Variants in SUPT3H observed in about 807,000 individuals in gnomAD.
SUPT3H encodes SPT3 homolog, SAGA and STAGA complex component, also known as transcription initiation protein SPT3 homolog.
A neutral mutation model predicts 44.3 loss-of-function variants in SUPT3H; 44 were observed. That is an observed-to-expected ratio of 0.99 (90% CI 0.78 to 1.28). SUPT3H has a LOEUF of 1.28. SUPT3H is among the 50% of genes most tolerant of loss of function. The probability of loss-of-function intolerance (pLI) is 0.00; values close to 1 mark genes in which losing one functional copy is unlikely to be tolerated. For missense variants in SUPT3H, 380 were observed against 387.1 expected, an observed-to-expected ratio of 0.98 and a Z score of 0.15; for synonymous variants, 124 against 125.6, an observed-to-expected ratio of 0.99 and a Z score of 0.09.
chr6:44,906,782 T>A (rs1481076863), intron 10 of SUPT3H, among the ~76,000 whole-genome samples: 3 of 152,026 alleles, frequency 2.0e-5, no homozygotes, highest in African/African-American at 7.2e-5. Flanking sequence ...CAAAAAAAAT[T>A]CACAAGGGTT....
intron 10 of SUPT3H, among the ~76,000 whole-genome samples, chr6:44,856,641 A>G (rs1773785823): frequency 1.3e-5 from 2 of 152,194 alleles, no homozygotes; most frequent in African/African-American, 4.8e-5. Context: ...ATACTCACAT[A>G]GCAATAGCCA....
At chr6:45,136,967 A>G (rs1053454044) in intron 2 of SUPT3H, among the ~76,000 whole-genome samples, 8 of 152,150 alleles carry the variant, frequency 5.3e-5, no homozygotes, top group African/African-American at 1.9e-4. Context: ...AAATTCAAAG[A>G]GACTCATGCC....
At chr6:45,009,256 A>G (rs2153509267) in intron 5 of SUPT3H, among the ~76,000 whole-genome samples, 1 of 152,292 alleles carries the variant, frequency 6.6e-6, no homozygotes, top group Middle Eastern at 3.4e-3. Flanking sequence ...TCTTTGAAAC[A>G]TAAAACTTTT....
At position 45,287,885 on chromosome 6, in the gene SUPT3H, A is replaced by G. The variant is rs1779581222; in HGVS notation, c.101+77316T>C. Reference sequence around the variant, plus strand: ...TAAAAATTACTTAAAGCAACTTACCACACTTAGTTCTTCGTGTTATTTTGT... The same window carrying G: ...TAAAAATTACTTAAAGCAACTTACCGCACTTAGTTCTTCGTGTTATTTTGT... On this transcript the variant is annotated intron_variant, in intron 2 of 10. Coordinates refer to ENST00000371459, the MANE Select transcript of SUPT3H (RefSeq NM_003599.4). 2.6e-5 allele frequency among the ~76,000 whole-genome samples: 4 copies of G among 152,244 alleles called. No homozygotes were observed. In the South Asian group the frequency reaches 8.3e-4, roughly 32 times the overall value.
At chr6:44,864,557 C>T (rs1332954907) in intron 10 of SUPT3H, among the ~76,000 whole-genome samples, 1 of 152,238 alleles carries the variant, frequency 6.6e-6, no homozygotes, top group African/African-American at 2.4e-5. Context: ...GGTTCCCAAA[C>T]CCCAATTCTT....
intron 10 of SUPT3H, among the ~76,000 whole-genome samples, chr6:44,891,606 G>C (rs1763328776): frequency 6.6e-6 from 1 of 152,078 alleles, no homozygotes; most frequent in South Asian, 2.1e-4. Flanking sequence ...GGGGAGGAAA[G>C]AATGGGTTGT....
chr6:45,170,905 G>A (rs1166775375), intron 2 of SUPT3H, among the ~76,000 whole-genome samples: 3 of 152,096 alleles, frequency 2.0e-5, no homozygotes, highest in East Asian at 3.9e-4. Context: ...CAATATTCAT[G>A]ACAATAATTT....
intron 2 of SUPT3H, among the ~76,000 whole-genome samples, chr6:45,173,034 G>C (rs536149211): frequency 6.6e-6 from 1 of 152,158 alleles, no homozygotes; most frequent in East Asian, 1.9e-4. Flanking sequence ...CGCAAACAAA[G>C]CGTATAGATT....
At chr6:45,283,763 C>A (rs976468585) in intron 2 of SUPT3H, among the ~76,000 whole-genome samples, 1 of 151,980 alleles carries the variant, frequency 6.6e-6, no homozygotes, top group East Asian at 1.9e-4. Flanking sequence ...AACTCTCCAC[C>A]CCAAATCAAC....
At chr6:44,946,906 AG>A (rs1259622910) in intron 9 of SUPT3H, among the ~76,000 whole-genome samples, 1 of 152,164 alleles carries the variant, frequency 6.6e-6, no homozygotes, top group Non-Finnish European at 1.5e-5. Context: ...CTTTCAAGAA[AG>A]GAAGAGTCAA....
At chr6:45,203,414 C>A (rs561085027) in intron 2 of SUPT3H, among the ~76,000 whole-genome samples, 9 of 152,120 alleles carry the variant, frequency 5.9e-5, no homozygotes, top group Non-Finnish European at 1.0e-4. Flanking sequence ...TTTAGTTCCC[C>A]AGCAGCACCA....
At chr6:45,185,450 T>C (rs1180216391) in intron 2 of SUPT3H, among the ~76,000 whole-genome samples, 2 of 152,140 alleles carry the variant, frequency 1.3e-5, no homozygotes, top group Non-Finnish European at 2.9e-5. Flanking sequence ...TTTTTTGTCA[T>C]ACCCAACAAA....
Position 44,954,624 on chromosome 6 carries a change from A to C in SUPT3H, c.581-17T>G. On this transcript the variant is annotated splice_polypyrimidine_tract_variant and intron_variant, in intron 7 of 10. Coordinates refer to ENST00000371459, the MANE Select transcript of SUPT3H (RefSeq NM_003599.4). Reference sequence around the variant, plus strand: ...CTTTTTTGGCTGGCCATTTAAAAAAAACAAGTGCAGAAATTTTAATTTTTA... The same window carrying C: ...CTTTTTTGGCTGGCCATTTAAAAAACACAAGTGCAGAAATTTTAATTTTTA... 6.6e-7 allele frequency: 1 copy of C among 1,523,252 alleles called. No individual in the cohort carries two copies. The highest frequency in any genetic ancestry group is 1.4e-5 in the African/African-American group (1 of 72,816). 94.4% of individuals were successfully genotyped at this position (1,523,252 alleles called of 1,614,324 possible). A position where few individuals can be genotyped will look rare whatever the true frequency, so the allele number is the denominator to read the frequency against.
intron 6 of SUPT3H, among the ~76,000 whole-genome samples, chr6:44,992,584 C>T (rs1276132635): frequency 1.3e-5 from 2 of 152,062 alleles, no homozygotes; most frequent in African/African-American, 2.4e-5. Context: ...ATATTCTGAT[C>T]TGGATTAGGG....
intron 2 of SUPT3H, among the ~76,000 whole-genome samples, chr6:45,226,659 G>T (rs1767000614): frequency 6.6e-6 from 1 of 152,114 alleles, no homozygotes; most frequent in African/African-American, 2.4e-5. Flanking sequence ...CCTGCCTTGA[G>T]TAGCTGGGAT....
In SUPT3H at chr6:45,330,982, C is replaced by T. The variant is rs1787362306; in HGVS notation, c.101+34219G>A. On this transcript the variant is annotated intron_variant, in intron 2 of 10. Transcript: ENST00000371459. ...TTTATATAATGATTATCACCACCAC[C>T]TAATGAAATGTCTTAAGTATGTGCC... 1.3e-5 allele frequency among the ~76,000 whole-genome samples: 2 copies of T among 151,906 alleles called. 1 individual carries two copies. Among genetic ancestry groups the T allele is most frequent in the South Asian group, 4.1e-4 (2 of 4,830 alleles).
At chr6:44,891,224 A>C (rs1375753553) in intron 10 of SUPT3H, among the ~76,000 whole-genome samples, 3 of 152,190 alleles carry the variant, frequency 2.0e-5, no homozygotes, top group Non-Finnish European at 4.4e-5. Context: ...TTCTTCAGAA[A>C]GTTAAACATA....
At chr6:44,884,201 T>C (rs1325613366) in intron 10 of SUPT3H, among the ~76,000 whole-genome samples, 1 of 152,174 alleles carries the variant, frequency 6.6e-6, no homozygotes, top group Non-Finnish European at 1.5e-5. Flanking sequence ...GCGAAGGATA[T>C]GAACAGATAC....
At chr6:45,374,997 A>G (rs978969076) in intron 1 of SUPT3H, among the ~76,000 whole-genome samples, 4 of 152,186 alleles carry the variant, frequency 2.6e-5, no homozygotes, top group Non-Finnish European at 5.9e-5. Flanking sequence ...ACTTGAGATC[A>G]AGAGTTCAAA....
Sources: allele counts gnomAD v4.1 joint callset (sites outside exome capture counted in the v4.1 genomes callset), GRCh38; gene constraint gnomAD v4.1.1; transcripts MANE v1.5; gene names NCBI Gene and HGNC (gene_info 2026-07-23, HGNC 2026-07-21).